Variants in CELSR2 observed in about 807,000 individuals in gnomAD.
CELSR2 encodes EGF-like protein 2.
In CELSR2, 81 loss-of-function variants were observed where a neutral mutation model predicts 251.6. The observed-to-expected ratio is 0.32, with a 90% confidence interval of 0.27 to 0.39. The LOEUF is 0.39. Among genes scored for constraint, CELSR2 ranks in the 10% least tolerant of loss-of-function variants. The pLI is 1.00. For missense variants in CELSR2, 3,365 were observed against 3,947.7 expected, an observed-to-expected ratio of 0.85 and a Z score of 3.96; for synonymous variants, 1,721 against 1,670.5, an observed-to-expected ratio of 1.03 and a Z score of -0.74.
Position 109,270,539 on chromosome 1 carries a change from C to T in CELSR2, c.7422C>T (p.Val2474=). Residue 2474 remains valine, a synonymous_variant, in exon 24 of 34, where the codon GTC becomes GTT. Coordinates refer to ENST00000271332, the MANE Select transcript of CELSR2 (RefSeq NM_001408.3). Reference sequence around the variant, plus strand: ...GGGCACTCACTGAGGTGCGCGATGTCAACACCGGCCCCATGCGCTTCTACT... The same window carrying T: ...GGGCACTCACTGAGGTGCGCGATGTTAACACCGGCCCCATGCGCTTCTACT... The part of the protein sequence containing the change: ...LYRALTEVRD[V]NTGPMRFYYM... 2.5e-6 allele frequency: 4 copies of T among 1,614,188 alleles called. No individual in the cohort carries two copies. The Admixed American group carries it at 5.0e-5, about 20-fold the overall frequency.
intron 9 of CELSR2, 72 bp from the exon 10 acceptor site, chr1:109,264,006 A>C: frequency 1.3e-6 from 2 of 1,505,728 alleles, no homozygotes; most frequent in Non-Finnish European, 1.8e-6. Context: ...TGGTCCAGAA[A>C]GGGGAACTGT....
rs777847428 is a variant in CELSR2 at position 109,271,461 on chromosome 1, C to T, written c.7752C>T (p.Asn2584=). ...GGCTGCTGGCACTGCTCTCTGTCAA[C>T]AGCGACACCCTCCTCTTCCACTACC... ...ATWLLALLSV[N]SDTLLFHYLF... The change falls in exon 27 of 34, where the codon AAC becomes AAT. Residue 2584 remains asparagine (N), a synonymous_variant. Coordinates refer to ENST00000271332, the MANE Select transcript of CELSR2 (RefSeq NM_001408.3). The T allele has an allele frequency of 6.2e-7, 1 of 1,614,136 alleles. No homozygotes were observed. The highest frequency in any genetic ancestry group is 1.7e-5 in the Admixed American group (1 of 60,034).
chr1:109,263,790 A>C lies in CELSR2; in HGVS notation c.5001+13A>C, dbSNP rs1432739504. Reference sequence around the variant, plus strand: ...CATCACCCTACAGGTGATGCATGGAAGGGCGGCTGGCCCTGGCCTGGCCAT... The same window carrying C: ...CATCACCCTACAGGTGATGCATGGACGGGCGGCTGGCCCTGGCCTGGCCAT... On this transcript the variant is annotated intron_variant, in intron 9 of 33. Coordinates refer to ENST00000271332, the MANE Select transcript of CELSR2 (RefSeq NM_001408.3). 3.1e-6 allele frequency: 5 copies of C among 1,610,538 alleles called. No individual in the cohort carries two copies. The African/African-American group carries it at 5.3e-5, about 17-fold the overall frequency.
At position 109,270,492 on chromosome 1, in the gene CELSR2, C is replaced by T; in HGVS notation, c.7375C>T (p.Leu2459=). 1 of 1,614,228 alleles carries T rather than the reference C, an allele frequency of 6.2e-7. No homozygotes were observed. The highest frequency in any genetic ancestry group is 8.5e-7 in the Non-Finnish European group (1 of 1,180,044). The change falls in exon 24 of 34, where the codon CTG becomes TTG. Residue 2459 remains leucine (L), a synonymous_variant. Transcript: ENST00000271332. ...LYLCTFSWAL[L]EALHLYRALT... ...CCTCTGCACCTTTTCCTGGGCTCTG[C>T]TGGAGGCCTTGCACCTGTACCGGGC...
chr1:109,271,828 T>G, intron 28 of CELSR2, 106 bp downstream of exon 28: 1 of 1,391,332 alleles, frequency 7.2e-7, no homozygotes, highest in Non-Finnish European at 9.8e-7. Context: ...TCTCCATCCC[T>G]TCCTGGAAGG....
At position 109,261,924 on chromosome 1, in the gene CELSR2, G is replaced by C; in HGVS notation, c.4386+28G>C. On this transcript the variant is annotated intron_variant, in intron 5 of 33. Transcript: ENST00000271332. The surrounding 1 kb of genome is among the most constrained non-coding windows in gnomAD (Gnocchi z 4.8). ...GGGTGTGGAGGGCACAGAGGGTTGGGGGTTCTGTTCTTGCCTCAGGTGCTT... is the reference window on the plus strand; with the variant it reads ...GGGTGTGGAGGGCACAGAGGGTTGGCGGTTCTGTTCTTGCCTCAGGTGCTT... The C allele has an allele frequency of 6.4e-7, 1 of 1,554,556 alleles. No individual in the cohort carries two copies. The highest frequency in any genetic ancestry group is 8.7e-7 in the Non-Finnish European group (1 of 1,147,102).
rs1394076099 is a variant in CELSR2 at position 109,270,947 on chromosome 1, C to T, written c.7504C>T (p.Pro2502Ser). The part of the protein sequence containing the change: ...FITGLAVGLD[P>S]EGYGNPDFCW... ...TCCAGGGCTAGCCGTGGGCCTGGAC[C>T]CCGAGGGCTACGGGAACCCTGACTT... The change falls in exon 25 of 34, where the codon CCC (proline) becomes TCC (serine). Residue 2502 changes from proline (P) to serine (S), a missense_variant. Pro to Ser is a moderately conservative substitution (Grantham distance 74, BLOSUM62 -1). This residue lies in a region of CELSR2 where 2,093 missense variants were observed against 2,382.8 expected (regional missense o/e 0.88). Coordinates refer to ENST00000271332, the MANE Select transcript of CELSR2 (RefSeq NM_001408.3). 6.2e-7 allele frequency: 1 copy of T among 1,613,834 alleles called. No individual in the cohort carries two copies.
rs1329512609 is a variant in CELSR2 at position 109,271,208 on chromosome 1, C to T, written c.7597-9C>T. The T allele has an allele frequency of 1.2e-6, 2 of 1,613,512 alleles. No homozygotes were observed. The highest frequency in any genetic ancestry group is 3.3e-5 in the Admixed American group (2 of 60,014). On this transcript the variant is annotated splice_polypyrimidine_tract_variant and intron_variant, in intron 25 of 33. Transcript: ENST00000271332. ...CACTGAGCACCCCATGCCCTCTGCC[C>T]CTGCCTAGATGAGTGTCTTCCTGTA...
At position 109,252,792 on chromosome 1, in the gene CELSR2, A is replaced by G. The variant is rs371935118; in HGVS notation, c.2713A>G (p.Met905Val). 13 of 1,613,880 alleles carry G rather than the reference A, an allele frequency of 8.1e-6. No individual in the cohort carries two copies. In the Admixed American group the frequency reaches 1.0e-4, roughly 12 times the overall value. ...GGGGATGCCCCCAGCCCGCACACCT[A>G]TGGAAGTGACAGTCACTGTGTTGGA... ...DKGMPPARTP[M>V]EVTVTVLDVN... Residue 905 changes from methionine (M) to valine (V), a missense_variant, in exon 1 of 34, where the codon ATG becomes GTG. Transcript: ENST00000271332. The surrounding 1 kb of genome is among the most constrained non-coding windows in gnomAD (Gnocchi z 4.8).
Position 109,258,736 on chromosome 1 carries a change from G to T in CELSR2, c.3615G>T (p.Leu1205=). The T allele has an allele frequency of 6.4e-7, 1 of 1,564,524 alleles. No individual in the cohort carries two copies. Among genetic ancestry groups the T allele is most frequent in the Non-Finnish European group, 8.7e-7 (1 of 1,154,734 alleles). The change falls in exon 2 of 34, where the codon CTG becomes CTT. Residue 1205 remains leucine, a synonymous_variant. Transcript: ENST00000271332. ...GGPPFLPSED[L]QERLYLNRSL... ...CGCCCTTCCTGCCCTCTGAGGACCT[G>T]CAGGAGCGCCTATACCTCAACCGCA...
chr1:109,271,557 A>G (rs1175783938), intron 27 of CELSR2, 43 bp from the exon 28 acceptor site: 2 of 1,614,092 alleles, frequency 1.2e-6, no homozygotes, highest in Admixed American at 1.7e-5. Flanking sequence ...TGGGCTGTGG[A>G]TGCCTGAATA....
rs1557727691 is a variant in CELSR2, at chr1:109,253,341, C to T, written c.3262C>T (p.Leu1088=). The change falls in exon 1 of 34, where the codon CTG becomes TTG. Residue 1088 remains leucine (L), a synonymous_variant. Transcript: ENST00000271332. The part of the protein sequence containing the change: ...STGELKLSRA[L]DNNRPLEAIM... ...GGGTGAGCTGAAGCTAAGCCGCGCA[C>T]TGGACAACAACCGGCCTCTGGAGGC... 3.7e-6 allele frequency: 6 copies of T among 1,613,388 alleles called. No homozygotes were observed. Among genetic ancestry groups the T allele is most frequent in the East Asian group, 2.2e-5 (1 of 44,890 alleles).
intron 2 of CELSR2, among the ~76,000 whole-genome samples, chr1:109,259,632 T>A (rs532491613): frequency 1.3e-5 from 2 of 152,248 alleles, no homozygotes; most frequent in South Asian, 4.1e-4. Context: ...GAGTTCCTTT[T>A]CTGAGCTGCA....
Position 109,261,972 on chromosome 1 carries a change from C to T in CELSR2, c.4386+76C>T. 6.9e-7 allele frequency: 1 copy of T among 1,446,302 alleles called. No homozygotes were observed. The allele number at this position is 1,446,302 out of a possible 1,614,324, so 89.6% of individuals were successfully genotyped here. A position where few individuals can be genotyped will look rare whatever the true frequency, so the allele number is the denominator to read the frequency against. ...CTTACCCAGCCCTGAGTGGCATTGCCTCCAGGCTTGGGTGGGCTGGTCAGG... is the reference window on the plus strand; with the variant it reads ...CTTACCCAGCCCTGAGTGGCATTGCTTCCAGGCTTGGGTGGGCTGGTCAGG... On this transcript the variant is annotated intron_variant, in intron 5 of 33. Transcript: ENST00000271332. The surrounding 1 kb of genome is among the most constrained non-coding windows in gnomAD (Gnocchi z 4.8).
Position 109,251,038 on chromosome 1 carries a change from C to T in CELSR2, c.959C>T (p.Pro320Leu). The stretch of plus-strand genomic sequence containing the variant: ...AGGGCCACGGATGGTGATGCCCCTC[C>T]CAATGCCAATATTCTGTACCGCCTG... ...TVRATDGDAP[P>L]NANILYRLLE... Residue 320 changes from proline to leucine, a missense_variant, in exon 1 of 34, where the codon CCC becomes CTC. Physicochemically the swap from Pro to Leu is moderately conservative, Grantham distance 98. Around this residue, in one of 5 missense-constraint regions of CELSR2, gnomAD observed 704 missense variants for 784.1 expected, o/e 0.90. Transcript: ENST00000271332. The surrounding 1 kb of genome is among the most constrained non-coding windows in gnomAD (Gnocchi z 4.9). The T allele has an allele frequency of 6.2e-7, 1 of 1,613,508 alleles. No individual in the cohort carries two copies. The highest frequency in any genetic ancestry group is 8.5e-7 in the Non-Finnish European group (1 of 1,179,960).
rs1397305313 is a variant in CELSR2 at position 109,250,195 on chromosome 1, C to T, written c.116C>T (p.Ser39Phe). ...LLGDQVGPCRSLGSRGRGSSG... is the reference protein window; with the variant it reads ...LLGDQVGPCRFLGSRGRGSSG... ...GGAGACCAAGTGGGGCCCTGTCGTT[C>T]CTTGGGGTCCAGGGGACGAGGCTCT... The change falls in exon 1 of 34, where the codon TCC becomes TTC. Residue 39 changes from serine to phenylalanine, a missense_variant. By Grantham distance (155) the Ser-to-Phe change is radical. Around this residue, in one of 5 missense-constraint regions of CELSR2, gnomAD observed 704 missense variants for 784.1 expected, o/e 0.90. Coordinates refer to ENST00000271332, the MANE Select transcript of CELSR2 (RefSeq NM_001408.3). This position sits in a 1 kb window ranked among gnomAD's most constrained non-coding sequence, Gnocchi z 4.4. 3 of 1,599,958 alleles carry T rather than the reference C, an allele frequency of 1.9e-6. No homozygotes were observed. The South Asian group carries it at 3.3e-5, about 18-fold the overall frequency.
chr1:109,265,406 G>A (rs1656158241), intron 13 of CELSR2, 95 bp downstream of exon 13: 1 of 1,356,324 alleles, frequency 7.4e-7, no homozygotes, highest in African/African-American at 1.5e-5. Flanking sequence ...GGGTCTTCCT[G>A]TAGAGCTGAG....
intron 2 of CELSR2, among the ~76,000 whole-genome samples, chr1:109,260,268 A>G (rs1655982498): frequency 6.6e-6 from 1 of 152,054 alleles, no homozygotes; most frequent in Non-Finnish European, 1.5e-5. Context: ...ACCTATCTCT[A>G]GAATCTGGGA....
At position 109,272,682 on chromosome 1, in the gene CELSR2, G is replaced by A; in HGVS notation, c.8097G>A (p.Leu2699=). ...ACCCTGGCCAAGGGCCCCCTGGCCT[G>A]GGGGATCCAGGCAGCCTGTTCCTGG... ...ALNPGQGPPG[L]GDPGSLFLEG... Residue 2699 remains leucine, a synonymous_variant, in exon 30 of 34, where the codon CTG becomes CTA. Coordinates refer to ENST00000271332, the MANE Select transcript of CELSR2 (RefSeq NM_001408.3). 2 of 1,613,912 alleles carry A rather than the reference G, an allele frequency of 1.2e-6. No individual in the cohort carries two copies. Among genetic ancestry groups the A allele is most frequent in the Non-Finnish European group, 1.7e-6 (2 of 1,179,986 alleles).
Sources: allele counts gnomAD v4.1 joint callset (sites outside exome capture counted in the v4.1 genomes callset), GRCh38; gene constraint gnomAD v4.1.1; regional missense constraint gnomAD v4.1.1; non-coding constraint Gnocchi (gnomAD v3.1); transcripts MANE v1.5; gene names NCBI Gene and HGNC (gene_info 2026-07-23, HGNC 2026-07-21).